SNX9: variants seen among roughly 807,000 people sequenced by gnomAD.
SNX9 encodes sorting nexin 9, also known as sorting nexin-9.
A neutral mutation model predicts 89.4 loss-of-function variants in SNX9; 44 were observed. The observed-to-expected ratio is 0.49, with a 90% CI of 0.39 to 0.63. The LOEUF is 0.63. SNX9 is among the 30% of genes least tolerant of loss of function. SNX9 has a pLI of 0.00. For synonymous variants in SNX9, 236 were observed against 247.8 expected (o/e 0.95, Z 0.45); for missense variants, 578 against 736.1 (o/e 0.79, Z 2.49).
intron 13 of SNX9, 134 bp downstream of exon 13, chr6:157,932,406 C>A (rs976149415): frequency 4.1e-6 from 3 of 728,258 alleles, no homozygotes; most frequent in Non-Finnish European, 7.1e-6. Context: ...GGCTAGGCTG[C>A]CGCACTAAGG....
chr6:157,896,997 A>G lies in SNX9; in HGVS notation c.471A>G (p.Pro157=). ...GCCACCCCCAGGCCTACCAAGGACC[A>G]GGTGAGGAGAGGGGTGCAAGGTCCC... ...AFGHPQAYQG[P]ATGDDDDWDE... The change falls in exon 5 of 18, where the codon CCA becomes CCG. Residue 157 remains proline, a splice_region_variant and synonymous_variant. Transcript: ENST00000392185. 6.3e-7 allele frequency: 1 copy of G among 1,586,246 alleles called. No individual in the cohort carries two copies. The highest frequency in any genetic ancestry group is 8.5e-7 in the Non-Finnish European group (1 of 1,170,572).
chr6:157,924,739 T>C (rs918759060), intron 10 of SNX9: 1 of 152,262 alleles, frequency 6.6e-6, no homozygotes, highest in East Asian at 1.9e-4. Flanking sequence ...GCCTTCATCA[T>C]GTAAATGACT....
intron 2 of SNX9, among the ~76,000 whole-genome samples, chr6:157,870,887 A>G (rs1432427754): frequency 6.6e-6 from 1 of 150,736 alleles, no homozygotes; most frequent in Non-Finnish European, 1.5e-5. Context: ...CCGTGCAAGC[A>G]CGCACACACC....
At chr6:157,866,355 C>G (rs1193693266) in intron 1 of SNX9, among the ~76,000 whole-genome samples, 3 of 152,200 alleles carry the variant, frequency 2.0e-5, no homozygotes, top group African/African-American at 7.2e-5. Flanking sequence ...AGGAAGATCT[C>G]TTGAGCCCAG....
At chr6:157,843,872 CTTTT>C (rs1006138414) in intron 1 of SNX9, among the ~76,000 whole-genome samples, 1 of 120,716 alleles carries the variant, frequency 8.3e-6, no homozygotes. Flanking sequence ...TCCCATTTGT[CTTTT>C]TTTTTTTTTT....
rs1432911674 is a variant in SNX9 at position 157,923,692 on chromosome 6, A to G, written c.1080+2031A>G. On this transcript the variant is annotated intron_variant, in intron 10 of 17. Coordinates refer to ENST00000392185, the MANE Select transcript of SNX9 (RefSeq NM_016224.5). ...TAGGAGGAGGACTTTATTGCGTATC[A>G]GAACTCATTGTGAAGCTAAAAAAGT... 2.6e-5 allele frequency among the ~76,000 whole-genome samples: 4 copies of G among 152,352 alleles called. No individual in the cohort carries two copies. In the East Asian group the frequency reaches 5.8e-4, roughly 22 times the overall value.
intron 4 of SNX9, chr6:157,892,771 A>G (rs2115160038): frequency 6.6e-6 from 1 of 152,334 alleles, no homozygotes; most frequent in East Asian, 1.9e-4. Flanking sequence ...GGAAGGCCCC[A>G]GCGAACATTC....
intron 4 of SNX9, among the ~76,000 whole-genome samples, chr6:157,890,761 G>C (rs150966585): frequency 1.3e-5 from 2 of 152,234 alleles, no homozygotes; most frequent in Non-Finnish European, 2.9e-5. Flanking sequence ...TCAGACGAGA[G>C]TGATTGTATA....
Position 157,944,377 on chromosome 6 carries a change from C to T in SNX9, c.*1539C>T, listed in dbSNP as rs768985833. Reference sequence around the variant, plus strand: ...ACTTGATTTTTCTTCTATAAAATCCCATAGAACAATGTTTATGCTATAGCC... The same window carrying T: ...ACTTGATTTTTCTTCTATAAAATCCTATAGAACAATGTTTATGCTATAGCC... On this transcript the variant is annotated 3_prime_UTR_variant, in exon 18 of 18. Transcript: ENST00000392185. 3 of 152,426 alleles carry T rather than the reference C, an allele frequency of 2.0e-5. No individual in the cohort carries two copies. The highest frequency in any genetic ancestry group is 4.4e-5 in the Non-Finnish European group (3 of 68,002). 9.4% of individuals were successfully genotyped at this position (152,426 alleles called of 1,614,324 possible).
chr6:157,890,240 C>CA (rs1782829221), intron 4 of SNX9, among the ~76,000 whole-genome samples: 1 of 152,186 alleles, frequency 6.6e-6, no homozygotes, highest in Non-Finnish European at 1.5e-5. Context: ...ACAGCACCAC[C>CA]ATGGGTGTGC....
chr6:157,873,014 A>G (rs1782445602), intron 2 of SNX9, 88 bp from the exon 3 acceptor site: 2 of 993,508 alleles, frequency 2.0e-6, no homozygotes, highest in African/African-American at 3.3e-5. Context: ...TGCTTTTTTT[A>G]TGTATAACAA....
At chr6:157,896,232 C>T (rs531934492) in intron 4 of SNX9, among the ~76,000 whole-genome samples, 8 of 152,208 alleles carry the variant, frequency 5.3e-5, no homozygotes, top group South Asian at 4.1e-4. Context: ...GGATGTTAGG[C>T]GTATTTCTCA....
Position 157,903,497 on chromosome 6 carries a change from T to C in SNX9, c.620+1452T>C, listed in dbSNP as rs562742084. ...TGTCTTGTTAGTCAACTGTGTCTTG[T>C]TTCAGAGTCAAATTTGAAGTTTTCA... is the stretch of plus-strand genomic sequence containing the variant. On this transcript the variant is annotated intron_variant, in intron 6 of 17. Transcript: ENST00000392185. Among the ~76,000 whole-genome samples the C allele has an allele frequency of 2.6e-5, 4 of 152,366 alleles. No homozygotes were observed. In the South Asian group the frequency reaches 8.3e-4, roughly 32 times the overall value.
intron 4 of SNX9, among the ~76,000 whole-genome samples, chr6:157,881,176 C>T (rs560432797): frequency 6.6e-5 from 10 of 152,294 alleles, no homozygotes; most frequent in African/African-American, 2.4e-4. Context: ...CTCTGTTTCA[C>T]GTTTTGTTAA....
intron 17 of SNX9, 36 bp from the exon 18 acceptor site, chr6:157,942,755 A>G (rs754153361): frequency 1.2e-5 from 19 of 1,609,894 alleles, no homozygotes; most frequent in Non-Finnish European, 1.5e-5. Flanking sequence ...AATGGGAGTG[A>G]TATCTCAACG....
At chr6:157,825,423 T>A (rs1212793947) in intron 1 of SNX9, among the ~76,000 whole-genome samples, 1 of 152,228 alleles carries the variant, frequency 6.6e-6, no homozygotes, top group Admixed American at 6.5e-5. Flanking sequence ...AGTGAAATTT[T>A]TATTTCATAG....
In SNX9 at chr6:157,944,593, C is replaced by G. The variant is rs1239756517; in HGVS notation, c.*1755C>G. 2 of 152,290 alleles carry G rather than the reference C, an allele frequency of 1.3e-5. No homozygotes were observed. Among genetic ancestry groups the G allele is most frequent in the Non-Finnish European group, 2.9e-5 (2 of 68,038 alleles). The allele number at this position is 152,290 out of a possible 1,614,324, so 9.4% of individuals were successfully genotyped here. A position where few individuals can be genotyped will look rare whatever the true frequency, so the allele number is the denominator to read the frequency against. ...TGTTGTTAAGTACTTTTTATTCCAG[C>G]TGCTGAAAATGGTCCAGGTAATGAA... On this transcript the variant is annotated 3_prime_UTR_variant, in exon 18 of 18. Transcript: ENST00000392185.
chr6:157,910,797 A>G (rs1036026290), intron 9 of SNX9, among the ~76,000 whole-genome samples: 3 of 152,064 alleles, frequency 2.0e-5, no homozygotes, highest in African/African-American at 4.8e-5. Context: ...AGACTCTGCT[A>G]CTCTATGTAG....
chr6:157,897,319 A>G (rs997619761), intron 5 of SNX9, among the ~76,000 whole-genome samples: 2 of 152,124 alleles, frequency 1.3e-5, no homozygotes, highest in Non-Finnish European at 2.9e-5. Context: ...GTTTATTACA[A>G]AGCTCAATTT....
Sources: allele counts gnomAD v4.1 joint callset (sites outside exome capture counted in the v4.1 genomes callset), GRCh38; gene constraint gnomAD v4.1.1; transcripts MANE v1.5; gene names NCBI Gene and HGNC (gene_info 2026-07-23, HGNC 2026-07-21).